AFDN: variants seen among roughly 807,000 people sequenced by gnomAD.
The protein encoded by AFDN is afadin.
Under a neutral mutation model 216.6 loss-of-function variants are expected in AFDN, and 68 were observed. That is an observed-to-expected ratio of 0.31 (90% CI 0.26 to 0.38). The LOEUF (loss-of-function observed/expected upper bound fraction) is 0.38. Ranked by LOEUF, AFDN falls within the 10% of genes least tolerant of loss-of-function variation. The pLI is 1.00. For synonymous variants in AFDN, 868 were observed against 853.7 expected, an observed-to-expected ratio of 1.02 and a Z score of -0.29; for missense variants, 2,136 against 2,342.0, an observed-to-expected ratio of 0.91 and a Z score of 1.82.
At chr6:167,957,495 T>G (rs187264868) in intron 30 of AFDN, among the ~76,000 whole-genome samples, 1 of 152,242 alleles carries the variant, frequency 6.6e-6, no homozygotes, top group Admixed American at 6.5e-5. Flanking sequence ...CTAGGTTGTT[T>G]CCTATTTTAA....
intron 30 of AFDN, among the ~76,000 whole-genome samples, chr6:167,956,393 C>T (rs971090588): frequency 1.3e-5 from 2 of 152,240 alleles, no homozygotes; most frequent in Middle Eastern, 3.4e-3. Context: ...GCTGCCTGCA[C>T]TCGTTTCTGC....
rs1797943772 is a variant in AFDN, at chr6:167,970,389, C to G, written c.*454C>G. 4.2e-6 allele frequency: 1 copy of G among 235,448 alleles called. No homozygotes were observed. Among genetic ancestry groups the G allele is most frequent in the Non-Finnish European group, 8.2e-6 (1 of 121,458 alleles). 14.6% of individuals were successfully genotyped at this position (235,448 alleles called of 1,614,324 possible). ...CTTGAACTATTCAGACTATTGTTGG[C>G]ACTGTTTAGTAGTGACCACACGCTC... is the stretch of plus-strand genomic sequence containing the variant. On this transcript the variant is annotated 3_prime_UTR_variant, in exon 34 of 34. Coordinates refer to ENST00000683244, the MANE Select transcript of AFDN (RefSeq NM_001386888.1).
At chr6:167,875,926 AAAAAC>A (rs1265670861) in intron 5 of AFDN, among the ~76,000 whole-genome samples, 8 of 152,236 alleles carry the variant, frequency 5.3e-5, no homozygotes, top group African/African-American at 1.9e-4. Context: ...AAGATTCCTT[AAAAAC>A]AAAACAAAAT....
At chr6:167,898,723 A>G (rs1364703154) in intron 11 of AFDN, among the ~76,000 whole-genome samples, 1 of 152,236 alleles carries the variant, frequency 6.6e-6, no homozygotes, top group Non-Finnish European at 1.5e-5. Flanking sequence ...TAGCCAGTAT[A>G]CTAAAACAGT....
At position 167,870,484 on chromosome 6, in the gene AFDN, G is replaced by A. The variant is rs769754520; in HGVS notation, c.400G>A (p.Ala134Thr). The A allele has an allele frequency of 8.7e-6, 14 of 1,607,978 alleles. No homozygotes were observed. The highest frequency in any genetic ancestry group is 1.1e-5 in the South Asian group (1 of 90,148). The part of the protein sequence containing the change: ...GRFVLKNEND[A>T]IPPKKAQSNG... ...ATTTGTTCTTAAGAATGAGAATGAC[G>A]CCATTCCTCCTAAGGTAGGAACCCT... The change falls in exon 3 of 34, where the codon GCC becomes ACC. Residue 134 changes from alanine (A) to threonine (T), a missense_variant. Around this residue, in one of 8 missense-constraint regions of AFDN, gnomAD observed 817 missense variants for 965.7 expected, o/e 0.85. Transcript: ENST00000683244.
intron 32 of AFDN, chr6:167,966,426 CCT>C: frequency 1.8e-6 from 1 of 563,048 alleles, no homozygotes; most frequent in South Asian, 2.0e-5. Context: ...TGGTGATCCT[CCT>C]CTGCCTCTGA....
intron 28 of AFDN, 124 bp from the exon 29 acceptor site, chr6:167,948,169 C>T (rs1433031103): frequency 2.2e-6 from 2 of 891,462 alleles, no homozygotes; most frequent in Admixed American, 6.0e-5. Flanking sequence ...CAGTATGGAT[C>T]AAACACTTTT....
intron 23 of AFDN, among the ~76,000 whole-genome samples, chr6:167,936,864 TATTG>T (rs1336679770): frequency 6.6e-6 from 1 of 152,232 alleles, no homozygotes; most frequent in Non-Finnish European, 1.5e-5. Flanking sequence ...TAATTGCCCA[TATTG>T]ATGTGATACA....
At chr6:167,904,675 T>C (rs1418792185) in intron 12 of AFDN, among the ~76,000 whole-genome samples, 1 of 152,178 alleles carries the variant, frequency 6.6e-6, no homozygotes, top group Non-Finnish European at 1.5e-5. Context: ...GTTGCTCCAA[T>C]AGAAACCTCT....
intron 4 of AFDN, 139 bp downstream of exon 4, chr6:167,872,516 C>A: frequency 2.2e-6 from 2 of 916,866 alleles, no homozygotes; most frequent in Middle Eastern, 3.0e-4. Context: ...CTACTCCCAG[C>A]TCTTCTGTGT....
At chr6:167,888,233 C>T (rs1428050128) in intron 6 of AFDN, among the ~76,000 whole-genome samples, 1 of 152,154 alleles carries the variant, frequency 6.6e-6, no homozygotes, top group East Asian at 1.9e-4. Context: ...AGGTGTGTTA[C>T]AGTCTATTTG....
chr6:167,832,777 A>G (rs1259099569), intron 1 of AFDN, among the ~76,000 whole-genome samples: 1 of 152,254 alleles, frequency 6.6e-6, no homozygotes, highest in Non-Finnish European at 1.5e-5. Context: ...TTTGCTCACA[A>G]GAAATTTAAT....
chr6:167,827,315 C>CGCCA (rs1165748159), intron 1 of AFDN, 78 bp downstream of exon 1: 1 of 497,028 alleles, frequency 2.0e-6, no homozygotes, highest in African/African-American at 2.3e-5. Flanking sequence ...CGCCGCCGCC[C>CGCCA]GCCAGCCGCG....
chr6:167,875,485 G>T lies in AFDN; in HGVS notation c.729G>T (p.Arg243=). ...RMQEFRSSDG[R]PDSGGTLRIY... Reference sequence around the variant, plus strand: ...AGGAATTTCGGAGCTCAGATGGGCGGCCTGATTCAGGTACAACTTGGTATT... The same window carrying T: ...AGGAATTTCGGAGCTCAGATGGGCGTCCTGATTCAGGTACAACTTGGTATT... The change falls in exon 5 of 34, where the codon CGG becomes CGT. Residue 243 remains arginine, a synonymous_variant. Coordinates refer to ENST00000683244, the MANE Select transcript of AFDN (RefSeq NM_001386888.1). 1.9e-6 allele frequency: 3 copies of T among 1,613,518 alleles called. No homozygotes were observed. Among genetic ancestry groups the T allele is most frequent in the Non-Finnish European group, 2.5e-6 (3 of 1,179,752 alleles).
At chr6:167,839,243 G>A (rs1583103538) in intron 1 of AFDN, among the ~76,000 whole-genome samples, 1 of 152,088 alleles carries the variant, frequency 6.6e-6, no homozygotes, top group Admixed American at 6.5e-5. Context: ...TACATTAAAT[G>A]TAATGGAAAT....
At chr6:167,906,944 T>C (rs531608510) in intron 12 of AFDN, among the ~76,000 whole-genome samples, 2 of 152,258 alleles carry the variant, frequency 1.3e-5, no homozygotes, top group Non-Finnish European at 2.9e-5. Flanking sequence ...AACTCCTAGC[T>C]CTTTGAGAAT....
At chr6:167,964,839 C>T (rs527873154) in intron 31 of AFDN, 18 of 1,065,882 alleles carry the variant, frequency 1.7e-5, no homozygotes, top group Admixed American at 5.3e-5. Context: ...ATTCTGTTTG[C>T]TCTTTCATCC....
At chr6:167,918,977 G>T in intron 21 of AFDN, 44 bp downstream of exon 21, 1 of 1,522,608 alleles carries the variant, frequency 6.6e-7, no homozygotes, top group East Asian at 2.3e-5. Flanking sequence ...GCCCCAGGTT[G>T]AAGCGAGCAT....
At chr6:167,959,181 G>A (rs904762992) in intron 30 of AFDN, among the ~76,000 whole-genome samples, 1 of 152,214 alleles carries the variant, frequency 6.6e-6, no homozygotes, top group Non-Finnish European at 1.5e-5. Flanking sequence ...CACCAGCTAA[G>A]CTCTAGATCT....
Sources: allele counts gnomAD v4.1 joint callset (sites outside exome capture counted in the v4.1 genomes callset), GRCh38; gene constraint gnomAD v4.1.1; regional missense constraint gnomAD v4.1.1; transcripts MANE v1.5; gene names NCBI Gene and HGNC (gene_info 2026-07-23, HGNC 2026-07-21).